CLDN10: variants seen among roughly 807,000 people sequenced by gnomAD.
CLDN10 encodes the protein claudin-10.
CLDN10 carries 15 observed loss-of-function variants against 22.9 expected under a neutral mutation model. The ratio of observed to expected loss-of-function variants is 0.65; its 90% confidence interval spans 0.44 to 1.01. The LOEUF (loss-of-function observed/expected upper bound fraction) is 1.01, where lower values mean the gene tolerates loss of function less well. CLDN10 is among the 50% of genes least tolerant of loss of function. The pLI is 0.00. For missense variants in CLDN10, 247 were observed against 287.8 expected, an observed-to-expected ratio of 0.86 and a Z score of 1.03; for synonymous variants, 114 against 111.4, an observed-to-expected ratio of 1.02 and a Z score of -0.15.
chr13:95,460,232 T>C (rs1239034684), intron 1 of CLDN10, among the ~76,000 whole-genome samples: 1 of 152,212 alleles, frequency 6.6e-6, no homozygotes, highest in Non-Finnish European at 1.5e-5. Context: ...CATCTTCCTG[T>C]CTTCTTTTGA....
intron 1 of CLDN10, among the ~76,000 whole-genome samples, chr13:95,516,718 C>T (rs1322657229): frequency 1.3e-5 from 2 of 152,158 alleles, no homozygotes; most frequent in African/African-American, 4.8e-5. Context: ...TGTCAGGCAG[C>T]TATGGAAAAG....
At chr13:95,454,763 G>A (rs2042466153) in intron 1 of CLDN10, among the ~76,000 whole-genome samples, 1 of 152,252 alleles carries the variant, frequency 6.6e-6, no homozygotes. Flanking sequence ...TATACTGAGG[G>A]CAAAGATGCT....
At chr13:95,532,234 A>C (rs888026286) in intron 1 of CLDN10, among the ~76,000 whole-genome samples, 1 of 152,158 alleles carries the variant, frequency 6.6e-6, no homozygotes, top group Admixed American at 6.5e-5. Context: ...CAAGCCATAC[A>C]CTGAGAGAAC....
chr13:95,473,319 C>T (rs1452140602), intron 1 of CLDN10, among the ~76,000 whole-genome samples: 1 of 152,136 alleles, frequency 6.6e-6, no homozygotes, highest in Non-Finnish European at 1.5e-5. Context: ...CAACAAACCA[C>T]CATGGCACAC....
chr13:95,534,206 T>C (rs900048232), intron 1 of CLDN10, among the ~76,000 whole-genome samples: 3 of 152,210 alleles, frequency 2.0e-5, no homozygotes, highest in African/African-American at 4.8e-5. Flanking sequence ...ATCTGCTATG[T>C]AGAAGGTTAC....
chr13:95,570,870 A>G (rs1197210498), intron 3 of CLDN10, among the ~76,000 whole-genome samples: 1 of 146,422 alleles, frequency 6.8e-6, no homozygotes, highest in Non-Finnish European at 1.5e-5. Flanking sequence ...ATATATATAT[A>G]TATATATATA....
At chr13:95,572,850 C>T (rs1291683151) in intron 3 of CLDN10, among the ~76,000 whole-genome samples, 1 of 152,206 alleles carries the variant, frequency 6.6e-6, no homozygotes, top group African/African-American at 2.4e-5. Flanking sequence ...GAGGAGGTTA[C>T]ACCAGCTCCC....
chr13:95,501,614 T>C (rs564315407), intron 1 of CLDN10, among the ~76,000 whole-genome samples: 4 of 152,382 alleles, frequency 2.6e-5, no homozygotes, highest in South Asian at 2.1e-4. Context: ...GATTGGTGTT[T>C]GCATGGGTAT....
At chr13:95,480,589 G>A (rs951677075) in intron 1 of CLDN10, among the ~76,000 whole-genome samples, 1 of 152,194 alleles carries the variant, frequency 6.6e-6, no homozygotes, top group African/African-American at 2.4e-5. Context: ...CCAGTTTCAA[G>A]AGTTCCTAAA....
intron 1 of CLDN10, among the ~76,000 whole-genome samples, chr13:95,476,268 C>T (rs749627104): frequency 1.5e-4 from 23 of 152,102 alleles, no homozygotes; most frequent in Non-Finnish European, 1.2e-4. Flanking sequence ...TGCCTTAGAT[C>T]GGGTAACTCA....
At chr13:95,434,171 G>A in intron 1 of CLDN10, 1 of 792,750 alleles carries the variant, frequency 1.3e-6, no homozygotes, top group African/African-American at 1.7e-5. Flanking sequence ...AAAGTGCCAA[G>A]ATTTGCCTAG....
intron 3 of CLDN10, among the ~76,000 whole-genome samples, chr13:95,575,590 C>CGT (rs112441621): frequency 4.0e-5 from 6 of 151,624 alleles, no homozygotes; most frequent in Admixed American, 6.6e-5. Flanking sequence ...CTGCTCAGTT[C>CGT]GTGTGTGTGT....
chr13:95,485,843 C>A (rs2042798639), intron 1 of CLDN10, among the ~76,000 whole-genome samples: 2 of 152,188 alleles, frequency 1.3e-5, no homozygotes, highest in Non-Finnish European at 2.9e-5. Context: ...GCCTTGATAA[C>A]CCAGCTCTTC....
intron 1 of CLDN10, among the ~76,000 whole-genome samples, chr13:95,523,459 C>T (rs1246160520): frequency 1.3e-5 from 2 of 152,124 alleles, no homozygotes; most frequent in Non-Finnish European, 2.9e-5. Flanking sequence ...TTTCATTGTC[C>T]TTCCTGCCTC....
intron 1 of CLDN10, among the ~76,000 whole-genome samples, chr13:95,522,530 G>T (rs767630714): frequency 6.6e-6 from 1 of 151,998 alleles, no homozygotes; most frequent in African/African-American, 2.4e-5. Flanking sequence ...CAAAGTAAAT[G>T]TTCCATGGAT....
intron 1 of CLDN10, among the ~76,000 whole-genome samples, chr13:95,444,286 C>T (rs748591065): frequency 3.3e-5 from 5 of 152,246 alleles, no homozygotes; most frequent in Non-Finnish European, 5.9e-5. Flanking sequence ...GAAAGCGCCA[C>T]TGCTCCTAAA....
intron 1 of CLDN10, among the ~76,000 whole-genome samples, chr13:95,514,456 G>C (rs527352307): frequency 6.9e-6 from 1 of 145,896 alleles, no homozygotes; most frequent in Admixed American, 6.9e-5. Context: ...CAATAATGGT[G>C]GGTAGAGGAA....
chr13:95,446,184 G>T (rs138787904), intron 1 of CLDN10, among the ~76,000 whole-genome samples: 2 of 152,322 alleles, frequency 1.3e-5, no homozygotes, highest in Non-Finnish European at 2.9e-5. Context: ...CTGGCTAGAA[G>T]TTCCCAGAGG....
chr13:95,493,062 G>A (rs1270005566), intron 1 of CLDN10, among the ~76,000 whole-genome samples: 4 of 152,172 alleles, frequency 2.6e-5, no homozygotes, highest in African/African-American at 9.7e-5. Flanking sequence ...GCTTCCTTCA[G>A]AGGGTCTGCG....
Sources: allele counts gnomAD v4.1 joint callset (sites outside exome capture counted in the v4.1 genomes callset), GRCh38; gene constraint gnomAD v4.1.1; transcripts MANE v1.5; gene names NCBI Gene and HGNC (gene_info 2026-07-23, HGNC 2026-07-21).